Variants in ZNF615 observed in about 807,000 individuals in gnomAD.
ZNF615 encodes zinc finger protein 615.
Under a neutral mutation model 15.3 loss-of-function variants are expected in ZNF615, and 15 were observed. The observed-to-expected ratio is 0.98, with a 90% CI of 0.66 to 1.51. The LOEUF is 1.51. ZNF615 is among the 40% of genes most tolerant of loss of function. ZNF615 has a pLI of 0.00. For synonymous variants in ZNF615, 268 were observed against 294.6 expected (o/e 0.91, Z 0.92); for missense variants, 848 against 895.9 (o/e 0.95, Z 0.68).
At position 51,993,207 on chromosome 19, in the gene ZNF615, T is replaced by C; in HGVS notation, c.1902A>G (p.Pro634=). The change falls in exon 7 of 7, where the codon CCA becomes CCG. Residue 634 remains proline, a synonymous_variant. Transcript: ENST00000598071. ...IHQQTHTGEK[P]YKCNECDKTF... ...TTTTATCACATTCATTGCATTTGTA[T>C]GGCTTCTCTCCAGTATGAGTTTGCT... is the stretch of plus-strand genomic sequence containing the variant. The C allele has an allele frequency of 6.2e-7, 1 of 1,614,236 alleles. No individual in the cohort carries two copies. The highest frequency in any genetic ancestry group is 8.5e-7 in the Non-Finnish European group (1 of 1,180,038).
At chr19:52,003,433 T>C (rs1276836881) in intron 3 of ZNF615, among the ~76,000 whole-genome samples, 1 of 152,200 alleles carries the variant, frequency 6.6e-6, no homozygotes, top group Non-Finnish European at 1.5e-5. Context: ...TAACTTATCA[T>C]GTTTCTCTTG....
chr19:51,993,403 T>C lies in ZNF615; in HGVS notation c.1706A>G (p.His569Arg), dbSNP rs770595553. 23 of 1,614,072 alleles carry C rather than the reference T, an allele frequency of 1.4e-5. No individual in the cohort carries two copies. In the South Asian group the frequency reaches 1.5e-4, roughly 11 times the overall value. The change falls in exon 7 of 7, where the codon CAT becomes CGT. Residue 569 changes from histidine to arginine, a missense_variant. Physicochemically the swap from His to Arg is conservative, Grantham distance 29. Transcript: ENST00000598071. ...GFTEKSHLNV[H>R]RRTHTGEKPY... ...TTTCTCTCCTGTATGAGTGCGCCGA[T>C]GTACATTGAGATGACTCTTCTCAGT... is the stretch of plus-strand genomic sequence containing the variant.
At position 51,994,393 on chromosome 19, in the gene ZNF615, C is replaced by A; in HGVS notation, c.716G>T (p.Gly239Val). 1 of 1,614,082 alleles carries A rather than the reference C, an allele frequency of 6.2e-7. No individual in the cohort carries two copies. Among genetic ancestry groups the A allele is most frequent in the South Asian group, 1.1e-5 (1 of 91,070 alleles). Residue 239 changes from glycine (G) to valine (V), a missense_variant, in exon 7 of 7, where the codon GGA becomes GTA. Physicochemically the swap from Gly to Val is moderately radical, Grantham distance 109 (BLOSUM62 -3). Transcript: ENST00000598071. The stretch of plus-strand genomic sequence containing the variant: ...CATACTGCATACATGAGGTTTTTCT[C>A]CAGTGTGAACTCTCTGATGATCAAT... Reference protein sequence around the residue: ...QFIDHQRVHTGEKPHVCSMCG... With the variant: ...QFIDHQRVHTVEKPHVCSMCG...
At position 51,993,679 on chromosome 19, in the gene ZNF615, G is replaced by A; in HGVS notation, c.1430C>T (p.Thr477Ile). 1.2e-6 allele frequency: 2 copies of A among 1,613,952 alleles called. No individual in the cohort carries two copies. Among genetic ancestry groups the A allele is most frequent in the Non-Finnish European group, 1.7e-6 (2 of 1,179,978 alleles). The change falls in exon 7 of 7, where the codon ACC (threonine) becomes ATC (isoleucine). Residue 477 changes from threonine (T) to isoleucine (I), a missense_variant. Physicochemically the swap from Thr to Ile is moderately conservative, Grantham distance 89. Coordinates refer to ENST00000598071, the MANE Select transcript of ZNF615 (RefSeq NM_001199324.2). Reference protein sequence around the residue: ...YVCTECRKGFTMKSDLIVHQR... With the variant: ...YVCTECRKGFIMKSDLIVHQR... ...ATGTACAATGAGGTCACTCTTCATG[G>A]TGAAACCTTTTCGACATTCGGTGCA...
intron 6 of ZNF615, among the ~76,000 whole-genome samples, chr19:51,998,122 C>G (rs1363503121): frequency 6.6e-6 from 1 of 152,180 alleles, no homozygotes; most frequent in Non-Finnish European, 1.5e-5. Flanking sequence ...CACTTCTCTA[C>G]TCAAAACTCC....
At chr19:52,005,087 C>T (rs374938558) in intron 2 of ZNF615, among the ~76,000 whole-genome samples, 1 of 152,036 alleles carries the variant, frequency 6.6e-6, no homozygotes, top group African/African-American at 2.4e-5. Flanking sequence ...GGTGAAACCC[C>T]GTCTCTACTA....
rs767768198 is a variant in ZNF615 at position 51,993,565 on chromosome 19, C to T, written c.1544G>A (p.Arg515Gln). The T allele has an allele frequency of 2.0e-5, 33 of 1,613,726 alleles. 1 individual carries two copies. The highest frequency in any genetic ancestry group is 2.0e-4 in the South Asian group (18 of 91,076). Residue 515 changes from arginine to glutamine, a missense_variant, in exon 7 of 7, where the codon CGA (arginine) becomes CAA (glutamine). Arg to Gln is a conservative substitution (Grantham distance 43). Transcript: ENST00000598071. The part of the protein sequence containing the change: ...TVKSRLIVHQ[R>Q]THTGEKPYVC... ...ATAGGGTTTTTCTCCAGTATGAGTTCGCTGATGCACAATAAGGCGGCTCTT... is the reference window on the plus strand; with the variant it reads ...ATAGGGTTTTTCTCCAGTATGAGTTTGCTGATGCACAATAAGGCGGCTCTT...
At chr19:52,000,702 C>T (rs2123053257) in intron 5 of ZNF615, among the ~76,000 whole-genome samples, 1 of 152,182 alleles carries the variant, frequency 6.6e-6, no homozygotes, top group East Asian at 1.9e-4. Context: ...GCTGTAATCC[C>T]AGCACTTTGG....
chr19:51,995,560 C>T (rs569644262), intron 6 of ZNF615, among the ~76,000 whole-genome samples: 1 of 141,358 alleles, frequency 7.1e-6, no homozygotes, highest in South Asian at 2.5e-4. Context: ...ATACAAACAC[C>T]TTCCTTTTTT....
Position 51,994,811 on chromosome 19 carries a change from G to T in ZNF615, c.298C>A (p.Gln100Lys). Reference protein sequence around the residue: ...AEIRKIDDPLQHHLQNQSIQK... With the variant: ...AEIRKIDDPLKHHLQNQSIQK... ...ATACTTTGATTTTGCAAGTGATGCT[G>T]CAGAGGATCATCAATTTTCCTGATT... is the stretch of plus-strand genomic sequence containing the variant. Residue 100 changes from glutamine (Q) to lysine (K), a missense_variant, in exon 7 of 7, where the codon CAG becomes AAG. Transcript: ENST00000598071. 1.3e-6 allele frequency: 2 copies of T among 1,588,546 alleles called. No individual in the cohort carries two copies. Among genetic ancestry groups the T allele is most frequent in the Non-Finnish European group, 1.7e-6 (2 of 1,169,004 alleles).
Position 51,993,181 on chromosome 19 carries a change from G to A in ZNF615, c.1928C>T (p.Thr643Ile). The A allele has an allele frequency of 1.2e-6, 2 of 1,614,206 alleles. No individual in the cohort carries two copies. Among genetic ancestry groups the A allele is most frequent in the Non-Finnish European group, 1.7e-6 (2 of 1,180,030 alleles). ...TATGAGGCATGTCTTCTTCCTGAAG[G>A]TTTTATCACATTCATTGCATTTGTA... ...KPYKCNECDK[T>I]FRKKTCLIQH... The change falls in exon 7 of 7, where the codon ACC becomes ATC. Residue 643 changes from threonine (T) to isoleucine (I), a missense_variant. Physicochemically the swap from Thr to Ile is moderately conservative, Grantham distance 89. Coordinates refer to ENST00000598071, the MANE Select transcript of ZNF615 (RefSeq NM_001199324.2).
intron 2 of ZNF615, among the ~76,000 whole-genome samples, 175 bp downstream of exon 2, chr19:52,007,118 G>A (rs1382061607): frequency 6.6e-6 from 1 of 151,986 alleles, no homozygotes; most frequent in Admixed American, 6.6e-5. Context: ...AGTACCACCG[G>A]CTCAAACAGT....
At chr19:51,995,520 T>C (rs2086392092) in intron 6 of ZNF615, among the ~76,000 whole-genome samples, 1 of 151,940 alleles carries the variant, frequency 6.6e-6, no homozygotes, top group Non-Finnish European at 1.5e-5. Flanking sequence ...ATGACATCTA[T>C]GTGTAAGTCA....
chr19:51,991,392 C>T lies in ZNF615; in HGVS notation c.*1488G>A, dbSNP rs1234007488. 2 of 152,198 alleles carry T rather than the reference C, an allele frequency of 1.3e-5. No homozygotes were observed. Among genetic ancestry groups the T allele is most frequent in the Non-Finnish European group, 2.9e-5 (2 of 68,026 alleles). 9.4% of individuals were successfully genotyped at this position (152,198 alleles called of 1,614,324 possible). On this transcript the variant is annotated 3_prime_UTR_variant, in exon 7 of 7. Transcript: ENST00000598071. ...ACAGTAAGAAAAACCGGGAACAAAA[C>T]TAATGTCCTTCAGTGGGTGAATAAA...
intron 6 of ZNF615, among the ~76,000 whole-genome samples, chr19:51,999,723 A>G (rs1448366377): frequency 6.6e-6 from 1 of 152,270 alleles, no homozygotes; most frequent in Non-Finnish European, 1.5e-5. Context: ...CAGAATTAGC[A>G]AAACTATGAA....
intron 5 of ZNF615, 89 bp downstream of exon 5, chr19:52,001,724 C>T: frequency 9.7e-7 from 1 of 1,027,000 alleles, no homozygotes; most frequent in Non-Finnish European, 1.5e-6. Flanking sequence ...GTTGCTGTGT[C>T]CTCAGATGCC....
At chr19:52,002,377 A>C (rs1261584891) in intron 3 of ZNF615, 96 bp from the exon 4 acceptor site, 4 of 1,548,782 alleles carry the variant, frequency 2.6e-6, no homozygotes, top group Non-Finnish European at 3.5e-6. Context: ...ACCACATAGG[A>C]AGCTGGTGGG....
At position 52,003,836 on chromosome 19, in the gene ZNF615, AC is replaced by A. The variant is rs1186177355; in HGVS notation, c.-126del. 1.2e-5 allele frequency: 18 copies of A among 1,526,832 alleles called. No homozygotes were observed. The highest frequency in any genetic ancestry group is 1.4e-5 in the Non-Finnish European group (16 of 1,140,822). 94.6% of individuals were successfully genotyped at this position (1,526,832 alleles called of 1,614,324 possible). ...CAAGGATGTCCCCAGAAATGATGAC[AC>A]CCAAGTCTTGGAAACTCCGCCTCCT... On this transcript the variant is annotated 5_prime_UTR_variant, in exon 3 of 7. It introduces an in-frame stop codon into an upstream open reading frame of the 5' UTR. Coordinates refer to ENST00000598071, the MANE Select transcript of ZNF615 (RefSeq NM_001199324.2).
intron 1 of ZNF615, 25 bp downstream of exon 1, chr19:52,008,116 G>C (rs2086806619): frequency 5.2e-6 from 8 of 1,534,674 alleles, no homozygotes; most frequent in Non-Finnish European, 6.1e-6. Context: ...CGTCACCACA[G>C]CGACCACCCA....
Sources: gnomAD v4.1 joint callset for allele counts (sites outside exome capture counted in the v4.1 genomes callset) on GRCh38, gnomAD v4.1.1 for gene constraint, MANE v1.5 for transcripts, NCBI Gene and HGNC (gene_info 2026-07-23, HGNC 2026-07-21) for gene names.